The following PI4KA variants were observed in gnomAD, a reference collection of about 807,000 sequenced individuals.
PI4KA encodes the protein phosphatidylinositol 4-kinase alpha.
PI4KA carries 122 observed loss-of-function variants against 271.4 expected under a neutral mutation model. That is an observed-to-expected ratio of 0.45 (90% confidence interval 0.39 to 0.52). The LOEUF (loss-of-function observed/expected upper bound fraction) is 0.52, where lower values mean the gene tolerates loss of function less well. Ranked by LOEUF, PI4KA falls within the 20% of genes least tolerant of loss-of-function variation. PI4KA has a pLI of 0.00. For synonymous variants in PI4KA, 1,041 were observed against 1,078.8 expected, an observed-to-expected ratio of 0.96 and a Z score of 0.69; for missense variants, 1,969 against 2,769.1, an observed-to-expected ratio of 0.71 and a Z score of 6.48.
Position 20,742,368 on chromosome 22 carries a change from A to C in PI4KA, c.3614-13T>G. On this transcript the variant is annotated splice_polypyrimidine_tract_variant and intron_variant, in intron 31 of 54. Coordinates refer to ENST00000255882, the MANE Select transcript of PI4KA (RefSeq NM_058004.4). ...TGCGGGTCACAATCTGGAACCAAAC[A>C]CACGTCAGTCAGAGGCCTCCAACAA... The C allele has an allele frequency of 2.5e-6, 4 of 1,612,624 alleles. No homozygotes were observed. Among genetic ancestry groups the C allele is most frequent in the Non-Finnish European group, 3.4e-6 (4 of 1,179,170 alleles).
intron 4 of PI4KA, among the ~76,000 whole-genome samples, chr22:20,822,950 G>T (rs1157811181): frequency 3.9e-5 from 6 of 152,172 alleles, no homozygotes; most frequent in Admixed American, 3.9e-4. Context: ...GTCTCACTCT[G>T]TTATCCAGGC....
chr22:20,820,415 C>T (rs28564213), intron 5 of PI4KA, 124 bp downstream of exon 5: 287 of 675,656 alleles, frequency 4.2e-4, no homozygotes, highest in Admixed American at 1.4e-3. Flanking sequence ...ACAAATCAAA[C>T]TAAAATAGGA....
At chr22:20,768,937 GGACT>G (rs755275020) in intron 19 of PI4KA, among the ~76,000 whole-genome samples, 62 of 152,288 alleles carry the variant, frequency 4.1e-4, no homozygotes, top group Admixed American at 9.8e-4. Flanking sequence ...CGCAACTGTG[GGACT>G]GACTGTCTCT....
At position 20,727,282 on chromosome 22, in the gene PI4KA, G is replaced by A. The variant is rs137902490; in HGVS notation, c.4889C>T (p.Pro1630Leu). The A allele has an allele frequency of 1.2e-5, 20 of 1,613,322 alleles. No homozygotes were observed. Among genetic ancestry groups the A allele is most frequent in the Admixed American group, 1.2e-4 (7 of 59,914 alleles). The change falls in exon 41 of 55, where the codon CCG (proline) becomes CTG (leucine). Residue 1630 changes from proline to leucine, a missense_variant. By Grantham distance (98) the Pro-to-Leu change is moderately conservative (BLOSUM62 -3). Transcript: ENST00000255882. Reference sequence around the variant, plus strand: ...CCCGTACTGCGCCGTGAGAGGGTGCGGCGGGTACATGCTGGAGAAGTAGGA... The same window carrying A: ...CCCGTACTGCGCCGTGAGAGGGTGCAGCGGGTACATGCTGGAGAAGTAGGA... The part of the protein sequence containing the change: ...GLSYFSSMYP[P>L]HPLTAQYGVK...
At chr22:20,810,808 C>G (rs1280149016) in intron 9 of PI4KA, among the ~76,000 whole-genome samples, 159 bp downstream of exon 9, 2 of 152,156 alleles carry the variant, frequency 1.3e-5, no homozygotes, top group Non-Finnish European at 2.9e-5. Context: ...TACCACAGAC[C>G]AAGCCCTCCG....
intron 29 of PI4KA, among the ~76,000 whole-genome samples, chr22:20,746,886 G>A (rs1001097379): frequency 7.9e-5 from 12 of 152,162 alleles, no homozygotes; most frequent in Admixed American, 1.3e-4. Context: ...CTCTCCCGCC[G>A]GTATCCCAAG....
chr22:20,764,995 G>A (rs1268153214), intron 21 of PI4KA, 45 bp from the exon 22 acceptor site: 1 of 1,586,820 alleles, frequency 6.3e-7, no homozygotes, highest in Non-Finnish European at 8.6e-7. Flanking sequence ...CATCCCCCAG[G>A]ACAAACAGGT....
chr22:20,753,188 G>A lies in PI4KA; in HGVS notation c.2792-8C>T, dbSNP rs370052284. The A allele has an allele frequency of 8.1e-6, 13 of 1,611,078 alleles. 1 individual carries two copies. Among genetic ancestry groups the A allele is most frequent in the East Asian group, 4.5e-5 (2 of 44,884 alleles). ...TCACACACTGCATCATCCCTGAAAC[G>A]AGAAGGTTTCCATGGATAAGGTGCA... On this transcript the variant is annotated splice_polypyrimidine_tract_variant and splice_region_variant and intron_variant, in intron 23 of 54. Transcript: ENST00000255882.
At chr22:20,773,341 G>A (rs938172679) in intron 19 of PI4KA, among the ~76,000 whole-genome samples, 6 of 151,594 alleles carry the variant, frequency 4.0e-5, no homozygotes, top group Non-Finnish European at 7.4e-5. Flanking sequence ...AGCTGAGATC[G>A]CACCACTGCA....
At chr22:20,766,069 G>C (rs1045089199) in intron 19 of PI4KA, among the ~76,000 whole-genome samples, 12 of 152,178 alleles carry the variant, frequency 7.9e-5, no homozygotes, top group African/African-American at 2.9e-4. Context: ...AAGGCAGCCT[G>C]TCCAGCCACA....
intron 19 of PI4KA, among the ~76,000 whole-genome samples, chr22:20,789,421 C>G (rs375890237): frequency 5.4e-4 from 82 of 152,312 alleles, no homozygotes; most frequent in African/African-American, 1.9e-3. Context: ...CCTCCGCCTC[C>G]TGGGTTCAAG....
intron 36 of PI4KA, among the ~76,000 whole-genome samples, chr22:20,730,479 T>TG (rs1404080035): frequency 6.6e-6 from 1 of 152,078 alleles, no homozygotes; most frequent in Non-Finnish European, 1.5e-5. Context: ...TTCACCACGT[T>TG]GGCCAGGCTG....
intron 50 of PI4KA, among the ~76,000 whole-genome samples, chr22:20,712,002 C>A (rs184868510): frequency 6.6e-6 from 1 of 151,678 alleles, no homozygotes; most frequent in Non-Finnish European, 1.5e-5. Context: ...CTTGGCCTCC[C>A]AAAGTGCTGG....
At chr22:20,845,187 C>T (rs904982802) in intron 1 of PI4KA, among the ~76,000 whole-genome samples, 5 of 152,110 alleles carry the variant, frequency 3.3e-5, no homozygotes, top group Admixed American at 2.0e-4. Context: ...TATTAAAAGA[C>T]AGGTATCTCA....
intron 29 of PI4KA, among the ~76,000 whole-genome samples, chr22:20,745,368 G>C (rs116490854): frequency 2.0e-5 from 3 of 152,218 alleles, no homozygotes; most frequent in Admixed American, 2.0e-4. Flanking sequence ...GTTCATCCAC[G>C]GTCACTGCAG....
chr22:20,839,562 T>G (rs1477355396), intron 1 of PI4KA, among the ~76,000 whole-genome samples: 1 of 152,216 alleles, frequency 6.6e-6, no homozygotes, highest in African/African-American at 2.4e-5. Flanking sequence ...CCAGGAGCGG[T>G]GGCTCACGCC....
chr22:20,762,142 A>C lies in PI4KA; in HGVS notation c.2709-756T>G, dbSNP rs187848352. ...GGGAGAAAAAGGAAAAAGCGCATGC[A>C]CTTGTCCCATGGGTGCTGTGAAGGG... On this transcript the variant is annotated intron_variant, in intron 22 of 54. Coordinates refer to ENST00000255882, the MANE Select transcript of PI4KA (RefSeq NM_058004.4). 4.6e-5 allele frequency among the ~76,000 whole-genome samples: 7 copies of C among 152,278 alleles called. No homozygotes were observed. In the East Asian group the frequency reaches 1.3e-3, roughly 29 times the overall value.
intron 23 of PI4KA, among the ~76,000 whole-genome samples, chr22:20,760,506 TA>T (rs1336836760): frequency 1.3e-5 from 2 of 152,160 alleles, no homozygotes; most frequent in African/African-American, 4.8e-5. Flanking sequence ...TTTTGCAATT[TA>T]AAAAAATTAA....
In PI4KA at chr22:20,729,506, C is replaced by T. The variant is rs1370847788; in HGVS notation, c.4489G>A (p.Ala1497Thr). The change falls in exon 39 of 55, where the codon GCC (alanine) becomes ACC (threonine). Residue 1497 changes from alanine to threonine, a missense_variant and splice_region_variant. Ala to Thr is a moderately conservative substitution (Grantham distance 58). This residue lies in a region of PI4KA where 388 missense variants were observed against 521.5 expected (regional missense o/e 0.74). Coordinates refer to ENST00000255882, the MANE Select transcript of PI4KA (RefSeq NM_058004.4). ...GTGATGAGACGCTCGATCTCAGTGGCCTGGCAAGATAAGACATAAGGCCTG... is the reference window on the plus strand; with the variant it reads ...GTGATGAGACGCTCGATCTCAGTGGTCTGGCAAGATAAGACATAAGGCCTG... ...KRRTLLLSLL[A>T]TEIERLITWY... 3.8e-6 allele frequency: 6 copies of T among 1,585,578 alleles called. No individual in the cohort carries two copies. In the East Asian group the frequency reaches 1.2e-4, roughly 30 times the overall value.
Sources: gnomAD v4.1 joint callset for allele counts (sites outside exome capture counted in the v4.1 genomes callset) on GRCh38, gnomAD v4.1.1 for gene constraint, gnomAD v4.1.1 regional missense constraint, MANE v1.5 for transcripts, NCBI Gene and HGNC (gene_info 2026-07-23, HGNC 2026-07-21) for gene names.